Variants in PEX14 observed in about 807,000 individuals in gnomAD.
PEX14 encodes peroxisomal biogenesis factor 14, also known as peroxisomal membrane protein PEX14.
Under a neutral mutation model 49.5 loss-of-function variants are expected in PEX14, and 15 were observed. The ratio of observed to expected loss-of-function variants is 0.30; its 90% CI spans 0.20 to 0.47. The LOEUF is 0.47. Among genes scored for constraint, PEX14 ranks in the 20% least tolerant of loss-of-function variants. PEX14 has a pLI of 1.00. For missense variants in PEX14, 398 were observed against 494.8 expected, an observed-to-expected ratio of 0.80 and a Z score of 1.86; for synonymous variants, 210 against 212.7, an observed-to-expected ratio of 0.99 and a Z score of 0.11.
At chr1:10,564,129 T>G (rs563734438) in intron 3 of PEX14, among the ~76,000 whole-genome samples, 16 of 152,276 alleles carry the variant, frequency 1.1e-4, no homozygotes, top group African/African-American at 3.8e-4. Context: ...ATAGAATCTT[T>G]GAATATTCGG....
In PEX14 at chr1:10,616,640, G is replaced by C. The variant is rs141283285; in HGVS notation, c.299-1692G>C. Among the ~76,000 whole-genome samples the C allele has an allele frequency of 6.6e-5, 10 of 152,318 alleles. No individual in the cohort carries two copies. The East Asian group carries it at 1.9e-3, about 29-fold the overall frequency. On this transcript the variant is annotated intron_variant, in intron 4 of 8. Coordinates refer to ENST00000356607, the MANE Select transcript of PEX14 (RefSeq NM_004565.3). ...GGCAGAGCACCCGCCACGTGGCCTG[G>C]AGATGGCCGCTCCAGAAAGGTGTTC...
chr1:10,630,054 C>T lies in PEX14; in HGVS notation c.*67C>T. The stretch of plus-strand genomic sequence containing the variant: ...GTGCCCGTGCGTGGCCATACCCTGC[C>T]TCCCTCTCTGGCCCTGGGAGGGCAG... On this transcript the variant is annotated 3_prime_UTR_variant, in exon 9 of 9. Transcript: ENST00000356607. This position sits in a 1 kb window ranked among gnomAD's most constrained non-coding sequence, Gnocchi z 4.1. 1 of 1,591,322 alleles carries T rather than the reference C, an allele frequency of 6.3e-7. No homozygotes were observed. The highest frequency in any genetic ancestry group is 8.5e-7 in the Non-Finnish European group (1 of 1,175,136).
In PEX14 at chr1:10,474,986, C is replaced by T. The variant is rs759852702; in HGVS notation, c.20C>T (p.Ala7Val). 1 of 1,609,690 alleles carries T rather than the reference C, an allele frequency of 6.2e-7. No homozygotes were observed. The highest frequency in any genetic ancestry group is 1.7e-5 in the Admixed American group (1 of 59,546). Reference sequence around the variant, plus strand: ...AGAAAGATGGCGTCCTCGGAGCAGGCAGAGCAGCCGAGCCAGGTAAGGGGA... The same window carrying T: ...AGAAAGATGGCGTCCTCGGAGCAGGTAGAGCAGCCGAGCCAGGTAAGGGGA... MASSEQ[A>V]EQPSQPSSTP... The change falls in exon 1 of 9, where the codon GCA becomes GTA. Residue 7 changes from alanine (A) to valine (V), a missense_variant. Physicochemically the swap from Ala to Val is moderately conservative, Grantham distance 64. This residue lies in a region of PEX14 where 56 missense variants were observed against 40.8 expected (regional missense o/e 1.37). Transcript: ENST00000356607.
At chr1:10,603,856 A>G (rs1008368461) in intron 4 of PEX14, among the ~76,000 whole-genome samples, 6 of 152,214 alleles carry the variant, frequency 3.9e-5, no homozygotes, top group African/African-American at 1.4e-4. Flanking sequence ...CCCTTCAAAG[A>G]CTGACCTAGA....
At chr1:10,608,654 C>T (rs1641187943) in intron 4 of PEX14, among the ~76,000 whole-genome samples, 1 of 121,474 alleles carries the variant, frequency 8.2e-6, no homozygotes, top group South Asian at 2.8e-4. Flanking sequence ...AACAGCGAGA[C>T]TCCGTCTCAA....
At position 10,539,538 on chromosome 1, in the gene PEX14, G is replaced by A. The variant is rs887774370; in HGVS notation, c.169+3241G>A. Among the ~76,000 whole-genome samples the A allele has an allele frequency of 3.3e-5, 5 of 151,994 alleles. No individual in the cohort carries two copies. The highest frequency in any genetic ancestry group is 1.2e-4 in the African/African-American group (5 of 41,480). On this transcript the variant is annotated intron_variant, in intron 3 of 8. Coordinates refer to ENST00000356607, the MANE Select transcript of PEX14 (RefSeq NM_004565.3). The surrounding 1 kb of genome is among the most constrained non-coding windows in gnomAD (Gnocchi z 4.6). ...CTGCAGATGACACATCAACTGCGGA[G>A]TCAGCCACACATCAAGATAATTGGA... is the stretch of plus-strand genomic sequence containing the variant.
intron 3 of PEX14, among the ~76,000 whole-genome samples, chr1:10,589,931 A>G (rs1007259241): frequency 1.3e-5 from 2 of 152,196 alleles, no homozygotes; most frequent in African/African-American, 2.4e-5. Context: ...AACTTTGCCA[A>G]TACATCTGAA....
At chr1:10,545,454 A>G (rs184371421) in intron 3 of PEX14, among the ~76,000 whole-genome samples, 5 of 152,354 alleles carry the variant, frequency 3.3e-5, no homozygotes, top group Non-Finnish European at 7.3e-5. Flanking sequence ...CCAGTCATGT[A>G]TGAGTGTACC....
chr1:10,575,188 C>T (rs757827475), intron 3 of PEX14, among the ~76,000 whole-genome samples: 3 of 151,824 alleles, frequency 2.0e-5, no homozygotes, highest in Non-Finnish European at 4.4e-5. Flanking sequence ...CAATTTATAC[C>T]ATTGCAAAGT....
At chr1:10,487,132 C>A (rs1320829554) in intron 1 of PEX14, among the ~76,000 whole-genome samples, 4 of 151,862 alleles carry the variant, frequency 2.6e-5, no homozygotes, top group Non-Finnish European at 4.4e-5. Context: ...AATGTTAAAC[C>A]AATTTTTTAT....
chr1:10,500,523 G>C lies in PEX14; in HGVS notation c.84+5202G>C, dbSNP rs184386890. ...ACTTTTGTGGTTAGAATACTTTGGT[G>C]TACTTGTCGGCAGGTTCACTGTGGA... On this transcript the variant is annotated intron_variant, in intron 2 of 8. Coordinates refer to ENST00000356607, the MANE Select transcript of PEX14 (RefSeq NM_004565.3). Among the ~76,000 whole-genome samples, 95 of 152,104 alleles carry C rather than the reference G, an allele frequency of 6.2e-4. No homozygotes were observed. The Middle Eastern group carries it at 0.014, about 22-fold the overall frequency.
At chr1:10,575,162 A>T (rs2124557594) in intron 3 of PEX14, among the ~76,000 whole-genome samples, 1 of 152,270 alleles carries the variant, frequency 6.6e-6, no homozygotes, top group Non-Finnish European at 1.5e-5. Flanking sequence ...TTAAAATATT[A>T]AAAAGAATGC....
At chr1:10,587,202 A>G (rs1640518894) in intron 3 of PEX14, among the ~76,000 whole-genome samples, 1 of 151,976 alleles carries the variant, frequency 6.6e-6, no homozygotes, top group East Asian at 1.9e-4. Context: ...CACGCCTGTA[A>G]TCCCAGCACT....
chr1:10,580,445 G>A (rs1640281927), intron 3 of PEX14, among the ~76,000 whole-genome samples: 1 of 152,016 alleles, frequency 6.6e-6, no homozygotes, highest in Middle Eastern at 3.2e-3. Context: ...GGCTGGTCTC[G>A]AACTCCTGAG....
chr1:10,575,555 G>A (rs182633291), intron 3 of PEX14, among the ~76,000 whole-genome samples: 5 of 152,134 alleles, frequency 3.3e-5, no homozygotes, highest in Non-Finnish European at 7.4e-5. Context: ...TGACCATATG[G>A]CAATAAAGCT....
intron 2 of PEX14, among the ~76,000 whole-genome samples, chr1:10,500,639 A>G (rs546542304): frequency 2.0e-5 from 3 of 152,024 alleles, no homozygotes; most frequent in South Asian, 2.1e-4. Flanking sequence ...CAGTGGTGCA[A>G]TCTCCGCTCA....
At chr1:10,586,668 C>T (rs1640501449) in intron 3 of PEX14, among the ~76,000 whole-genome samples, 1 of 108,036 alleles carries the variant, frequency 9.3e-6, no homozygotes, top group South Asian at 3.3e-4. Context: ...GAGACGGAGT[C>T]TCGCTCTGTT....
At chr1:10,502,970 T>A (rs1018063005) in intron 2 of PEX14, among the ~76,000 whole-genome samples, 2 of 151,350 alleles carry the variant, frequency 1.3e-5, no homozygotes, top group African/African-American at 4.9e-5. Flanking sequence ...GCTAATTTTT[T>A]AAAAAAATTG....
At chr1:10,604,588 G>A (rs2124611206) in intron 4 of PEX14, among the ~76,000 whole-genome samples, 1 of 152,240 alleles carries the variant, frequency 6.6e-6, no homozygotes, top group South Asian at 2.1e-4. Context: ...TCCAGCCTGG[G>A]CTCCAGAGCA....
Sources: allele counts gnomAD v4.1 joint callset (sites outside exome capture counted in the v4.1 genomes callset), GRCh38; gene constraint gnomAD v4.1.1; regional missense constraint gnomAD v4.1.1; non-coding constraint Gnocchi (gnomAD v3.1); transcripts MANE v1.5; gene names NCBI Gene and HGNC (gene_info 2026-07-23, HGNC 2026-07-21).